Variants in HHAT observed in about 807,000 individuals in gnomAD.
HHAT encodes protein-cysteine N-palmitoyltransferase HHAT.
In HHAT, 47 loss-of-function variants were observed where a neutral mutation model predicts 70.8. The observed-to-expected ratio is 0.66, with a 90% CI of 0.53 to 0.85. HHAT has a LOEUF of 0.85. Among genes scored for constraint, HHAT ranks in the 40% least tolerant of loss-of-function variants. The probability of loss-of-function intolerance (pLI) is 0.00; values close to 1 mark genes in which losing one functional copy is unlikely to be tolerated. For missense variants in HHAT, 609 were observed against 604.8 expected, an observed-to-expected ratio of 1.01 and a Z score of -0.07; for synonymous variants, 228 against 247.6, an observed-to-expected ratio of 0.92 and a Z score of 0.74.
chr1:210,444,908 C>T (rs559197662), intron 7 of HHAT, among the ~76,000 whole-genome samples: 50 of 152,280 alleles, frequency 3.3e-4, no homozygotes, highest in Non-Finnish European at 6.5e-4. Flanking sequence ...GGCACGATCT[C>T]GGCTCACTGC....
At chr1:210,519,918 A>T (rs1198626763) in intron 9 of HHAT, among the ~76,000 whole-genome samples, 1 of 148,862 alleles carries the variant, frequency 6.7e-6, no homozygotes, top group Non-Finnish European at 1.5e-5. Context: ...TTCCATGATG[A>T]TGGGTGATGT....
At position 210,615,599 on chromosome 1, in the gene HHAT, G is replaced by A. The variant is rs182928026; in HGVS notation, c.1246-7927G>A. ...ACCTTTGGTCTTTGACGTTGGTGAC[G>A]TACAGATGGGGTTTTGGTGTGGATG... On this transcript the variant is annotated intron_variant, in intron 10 of 11. Transcript: ENST00000261458. Among the ~76,000 whole-genome samples the A allele has an allele frequency of 4.4e-3, 667 of 152,256 alleles. 9 individuals carry two copies. The highest frequency in any genetic ancestry group is 0.015 in the African/African-American group (628 of 41,530).
intron 10 of HHAT, among the ~76,000 whole-genome samples, chr1:210,594,730 G>A (rs972562597): frequency 8.5e-5 from 13 of 152,070 alleles, no homozygotes; most frequent in African/African-American, 3.1e-4. Context: ...TTCTTGTTCT[G>A]GTGTTGATGA....
At position 210,336,376 on chromosome 1, in the gene HHAT, TCTC is replaced by T. The variant is rs2085502981; in HGVS notation, c.-44+7279_-44+7281del. On this transcript the variant is annotated intron_variant, in intron 1 of 11. Transcript: ENST00000261458. Reference sequence around the variant, plus strand: ...CCCCTAGGCTCAAGTAGTCTACCCATCTCCTCCTCTCAAAGTGCTAGAATTACA... The same window carrying T: ...CCCCTAGGCTCAAGTAGTCTACCCATCTCCTCTCAAAGTGCTAGAATTACA... Among the ~76,000 whole-genome samples the T allele has an allele frequency of 4.1e-5, 6 of 148,038 alleles. No homozygotes were observed. In the South Asian group the frequency reaches 1.3e-3, roughly 32 times the overall value.
At chr1:210,547,410 A>G (rs2095493025) in intron 9 of HHAT, among the ~76,000 whole-genome samples, 1 of 152,188 alleles carries the variant, frequency 6.6e-6, no homozygotes, top group Non-Finnish European at 1.5e-5. Context: ...TTGGTTCTCC[A>G]TGAAGAAGGA....
intron 9 of HHAT, among the ~76,000 whole-genome samples, chr1:210,532,190 A>C (rs890936483): frequency 1.3e-5 from 2 of 152,224 alleles, no homozygotes; most frequent in African/African-American, 4.8e-5. Context: ...TCCATTTTGG[A>C]AATGGAAATA....
chr1:210,452,348 T>A (rs772243580), intron 7 of HHAT, among the ~76,000 whole-genome samples: 11 of 152,246 alleles, frequency 7.2e-5, no homozygotes, highest in Non-Finnish European at 1.6e-4. Context: ...AAGTTGAATA[T>A]TTAGGGTTCA....
At chr1:210,660,758 C>A (rs1053290449) in intron 11 of HHAT, among the ~76,000 whole-genome samples, 6 of 152,082 alleles carry the variant, frequency 3.9e-5, no homozygotes, top group African/African-American at 1.4e-4. Flanking sequence ...AGAAATAACA[C>A]CACACATCTA....
intron 9 of HHAT, among the ~76,000 whole-genome samples, chr1:210,556,646 CTCTTGCCATGT>C (rs1317091126): frequency 6.6e-6 from 1 of 152,184 alleles, no homozygotes. Context: ...CAGCTTCACT[CTCTTGCCATGT>C]TTGATTGATT....
chr1:210,592,270 C>T (rs1375112033), intron 10 of HHAT, among the ~76,000 whole-genome samples: 1 of 151,974 alleles, frequency 6.6e-6, no homozygotes, highest in Non-Finnish European at 1.5e-5. Context: ...GTTTTCCCAG[C>T]ACCATTTTTT....
At chr1:210,575,454 A>C (rs966934320) in intron 9 of HHAT, among the ~76,000 whole-genome samples, 1 of 152,152 alleles carries the variant, frequency 6.6e-6, no homozygotes, top group African/African-American at 2.4e-5. Context: ...CCTCCAAAGA[A>C]TCTGTTTTAT....
At chr1:210,376,402 G>A (rs75386804) in intron 3 of HHAT, among the ~76,000 whole-genome samples, 1,703 of 152,210 alleles carry the variant, frequency 0.011, 11 homozygotes, top group Middle Eastern at 0.02. Flanking sequence ...TTTAGCTGTC[G>A]TTAGTGGAGG....
chr1:210,666,496 T>A (rs1264100341), intron 11 of HHAT, among the ~76,000 whole-genome samples: 1 of 152,154 alleles, frequency 6.6e-6, no homozygotes, highest in Non-Finnish European at 1.5e-5. Context: ...TTTTATTACA[T>A]ATTTTTTTTA....
intron 11 of HHAT, 124 bp downstream of exon 11, chr1:210,623,794 C>G (rs1000157571): frequency 1.0e-6 from 1 of 1,001,366 alleles, no homozygotes; most frequent in East Asian, 2.5e-5. Context: ...GGCATGTGAC[C>G]TCTAAAGTAC....
rs3765875 is a variant in HHAT, at chr1:210,365,202, G to A, written c.159+2283G>A. Among the ~76,000 whole-genome samples the A allele has an allele frequency of 8.2e-4, 124 of 151,270 alleles. No homozygotes were observed. In the East Asian group the frequency reaches 0.02, roughly 24 times the overall value. ...AAATTCTAATCAAAAGAAGATATTAGATGTGACTAGAAATCATGACCTTTA... is the reference window on the plus strand; with the variant it reads ...AAATTCTAATCAAAAGAAGATATTAAATGTGACTAGAAATCATGACCTTTA... On this transcript the variant is annotated intron_variant, in intron 3 of 11. Coordinates refer to ENST00000261458, the MANE Select transcript of HHAT (RefSeq NM_018194.6).
chr1:210,669,392 G>T (rs1168444796), intron 11 of HHAT, among the ~76,000 whole-genome samples: 3 of 151,828 alleles, frequency 2.0e-5, no homozygotes, highest in African/African-American at 7.3e-5. Flanking sequence ...ATTAGCTGTA[G>T]TTATTATACA....
At chr1:210,610,572 T>C (rs1227114875) in intron 10 of HHAT, among the ~76,000 whole-genome samples, 1 of 152,190 alleles carries the variant, frequency 6.6e-6, no homozygotes, top group African/African-American at 2.4e-5. Context: ...TTGGGGATTT[T>C]GTCATGAAAT....
At chr1:210,485,826 A>G (rs1425836034) in intron 8 of HHAT, among the ~76,000 whole-genome samples, 1 of 152,172 alleles carries the variant, frequency 6.6e-6, no homozygotes, top group Non-Finnish European at 1.5e-5. Flanking sequence ...GGTCCCTCCC[A>G]CAATACATGG....
intron 10 of HHAT, chr1:210,590,299 A>G (rs1316199421): frequency 6.6e-6 from 1 of 151,852 alleles, no homozygotes; most frequent in South Asian, 2.1e-4. Context: ...TCATGAATCA[A>G]TTTCCTGTTC....
Sources: gnomAD v4.1 joint callset for allele counts (sites outside exome capture counted in the v4.1 genomes callset) on GRCh38, gnomAD v4.1.1 for gene constraint, MANE v1.5 for transcripts, NCBI Gene and HGNC (gene_info 2026-07-23, HGNC 2026-07-21) for gene names.